Variants in ARHGAP28 observed in about 807,000 individuals in gnomAD.
ARHGAP28 encodes the protein Rho GTPase activating protein 28.
A neutral mutation model predicts 90.7 loss-of-function variants in ARHGAP28; 56 were observed. The observed-to-expected ratio is 0.62, with a 90% confidence interval of 0.50 to 0.77. ARHGAP28 has a LOEUF of 0.77. Ranked by LOEUF, ARHGAP28 falls within the 30% of genes least tolerant of loss-of-function variation. The probability of loss-of-function intolerance (pLI) is 0.00; values close to 1 mark genes in which losing one functional copy is unlikely to be tolerated. For missense variants in ARHGAP28, 869 were observed against 900.9 expected (o/e 0.96, Z 0.45); for synonymous variants, 308 against 323.3 (o/e 0.95, Z 0.51).
chr18:6,795,217 C>G (rs929905946), intron 1 of ARHGAP28, among the ~76,000 whole-genome samples: 3 of 152,112 alleles, frequency 2.0e-5, no homozygotes, highest in Non-Finnish European at 4.4e-5. Context: ...GTATGAAAAG[C>G]AACGCGTTTT....
chr18:6,901,847 T>G (rs2057340237), intron 16 of ARHGAP28, among the ~76,000 whole-genome samples: 1 of 152,184 alleles, frequency 6.6e-6, no homozygotes, highest in South Asian at 2.1e-4. Context: ...TCCAGAAGTC[T>G]GAAATAAAGA....
rs1009274697 is a variant in ARHGAP28, at chr18:6,913,730, G to A, written c.*1576G>A. The A allele has an allele frequency of 4.5e-5, 3 of 67,080 alleles. No individual in the cohort carries two copies. The highest frequency in any genetic ancestry group is 1.5e-4 in the African/African-American group (3 of 19,784). The allele number at this position is 67,080 out of a possible 1,614,324, so 4.2% of individuals were successfully genotyped here. A position where few individuals can be genotyped will look rare whatever the true frequency, so the allele number is the denominator to read the frequency against. ...TTCCATTCATTTAATTTGTTCATCT[G>A]AGAATTTTTTTTTTTGCCTGAAAAC... On this transcript the variant is annotated 3_prime_UTR_variant, in exon 18 of 18. Coordinates refer to ENST00000383472, the MANE Select transcript of ARHGAP28 (RefSeq NM_001366230.1).
At position 6,851,029 on chromosome 18, in the gene ARHGAP28, G is replaced by A. The variant is rs569478815; in HGVS notation, c.544-5G>A. ...GATAAACGTGGCTTTCATTTCTTCC[G>A]TTAGCCTCGTGATACCTGTGGCAAC... is the stretch of plus-strand genomic sequence containing the variant. On this transcript the variant is annotated splice_region_variant and splice_polypyrimidine_tract_variant and intron_variant, in intron 3 of 17. Transcript: ENST00000383472. 95 of 1,613,762 alleles carry A rather than the reference G, an allele frequency of 5.9e-5. No individual in the cohort carries two copies. The highest frequency in any genetic ancestry group is 2.2e-4 in the South Asian group (20 of 91,056).
At position 6,837,277 on chromosome 18, in the gene ARHGAP28, G is replaced by A. The variant is rs867081819; in HGVS notation, c.406G>A (p.Ala136Thr). 1 of 1,608,864 alleles carries A rather than the reference G, an allele frequency of 6.2e-7. No individual in the cohort carries two copies. The highest frequency in any genetic ancestry group is 1.7e-5 in the Admixed American group (1 of 59,740). The change falls in exon 3 of 18, where the codon GCC (alanine) becomes ACC (threonine). Residue 136 changes from alanine to threonine, a missense_variant. Ala to Thr is a moderately conservative substitution (Grantham distance 58). Transcript: ENST00000383472. ...ISGDEEEDGK[A>T]LLSTLTRTQA... The stretch of plus-strand genomic sequence containing the variant: ...AGGTGATGAAGAGGAAGATGGCAAA[G>A]CCTTGCTCTCCACATTGACTCGAAC...
intron 1 of ARHGAP28, among the ~76,000 whole-genome samples, chr18:6,819,968 C>T (rs2056615905): frequency 6.6e-6 from 1 of 152,090 alleles, no homozygotes; most frequent in African/African-American, 2.4e-5. Flanking sequence ...TTATTTACTC[C>T]AGTTTTCTAG....
At chr18:6,764,454 T>C (rs1282236618) in intron 1 of ARHGAP28, among the ~76,000 whole-genome samples, 5 of 152,194 alleles carry the variant, frequency 3.3e-5, no homozygotes, top group African/African-American at 9.7e-5. Context: ...GACCACCCTA[T>C]GTCTCAAGAG....
intron 10 of ARHGAP28, among the ~76,000 whole-genome samples, chr18:6,880,551 GAAGGCT>G (rs1437342434): frequency 6.6e-6 from 1 of 152,204 alleles, no homozygotes; most frequent in Non-Finnish European, 1.5e-5. Flanking sequence ...CCTACAGCGT[GAAGGCT>G]AGTCCCCTTA....
intron 1 of ARHGAP28, among the ~76,000 whole-genome samples, chr18:6,799,518 C>T (rs764941869): frequency 2.0e-5 from 3 of 152,140 alleles, no homozygotes; most frequent in East Asian, 1.9e-4. Flanking sequence ...AGCATGGTTC[C>T]GGTACTAAAA....
intron 1 of ARHGAP28, among the ~76,000 whole-genome samples, chr18:6,812,027 C>G (rs1353603405): frequency 6.6e-6 from 1 of 152,110 alleles, no homozygotes; most frequent in African/African-American, 2.4e-5. Context: ...AATACTTTTG[C>G]AGGTTGTTTT....
intron 16 of ARHGAP28, among the ~76,000 whole-genome samples, chr18:6,900,062 G>C (rs2057330380): frequency 6.6e-6 from 1 of 152,120 alleles, no homozygotes; most frequent in Admixed American, 6.5e-5. Flanking sequence ...CAGAGCCCAG[G>C]AGGGAGCTGA....
At chr18:6,775,892 A>T (rs1416268819) in intron 1 of ARHGAP28, among the ~76,000 whole-genome samples, 1 of 152,210 alleles carries the variant, frequency 6.6e-6, no homozygotes, top group Non-Finnish European at 1.5e-5. Flanking sequence ...GATCAGCTGC[A>T]CTAATTAAAG....
At chr18:6,736,100 A>G (rs1361697126) in intron 1 of ARHGAP28, among the ~76,000 whole-genome samples, 3 of 152,130 alleles carry the variant, frequency 2.0e-5, no homozygotes, top group African/African-American at 4.8e-5. Context: ...AACTTTTAGC[A>G]TTTATCTGTG....
chr18:6,748,819 C>G (rs2056045911), intron 1 of ARHGAP28, among the ~76,000 whole-genome samples: 1 of 151,954 alleles, frequency 6.6e-6, no homozygotes, highest in South Asian at 2.1e-4. Context: ...TTTTTTAAAC[C>G]CTCACATCCA....
At chr18:6,793,479 G>A (rs559881938) in intron 1 of ARHGAP28, among the ~76,000 whole-genome samples, 6 of 152,092 alleles carry the variant, frequency 3.9e-5, no homozygotes, top group Non-Finnish European at 8.8e-5. Flanking sequence ...GACAGAGATA[G>A]GGTGGAAGAA....
chr18:6,759,131 T>A (rs1206077074), intron 1 of ARHGAP28, among the ~76,000 whole-genome samples: 1 of 152,186 alleles, frequency 6.6e-6, no homozygotes, highest in Non-Finnish European at 1.5e-5. Context: ...ATACCTTACA[T>A]ATAGTTGGAA....
intron 17 of ARHGAP28, among the ~76,000 whole-genome samples, chr18:6,911,372 A>G (rs2057398245): frequency 7.6e-6 from 1 of 131,730 alleles, no homozygotes; most frequent in Non-Finnish European, 1.6e-5. Flanking sequence ...GAGGACATGT[A>G]TTAGCATATA....
chr18:6,730,088 G>C, intron 1 of ARHGAP28, 145 bp downstream of exon 1: 1 of 855,088 alleles, frequency 1.2e-6, no homozygotes, highest in Non-Finnish European at 1.6e-6. Context: ...TGAGCCTGGG[G>C]TTCTTTGCAT....
chr18:6,896,254 C>T (rs2057304024), intron 15 of ARHGAP28, among the ~76,000 whole-genome samples: 1 of 152,108 alleles, frequency 6.6e-6, no homozygotes, highest in Non-Finnish European at 1.5e-5. Flanking sequence ...AGTTTTTCCC[C>T]CTTAAGATTT....
intron 2 of ARHGAP28, among the ~76,000 whole-genome samples, chr18:6,827,850 C>G (rs1191505612): frequency 4.0e-5 from 6 of 151,702 alleles, no homozygotes; most frequent in African/African-American, 1.4e-4. Context: ...CAGAGGCACT[C>G]CCCACATCTC....
Sources: gnomAD v4.1 joint callset for allele counts (sites outside exome capture counted in the v4.1 genomes callset) on GRCh38, gnomAD v4.1.1 for gene constraint, MANE v1.5 for transcripts, NCBI Gene and HGNC (gene_info 2026-07-23, HGNC 2026-07-21) for gene names.